The following UNC5C variants were observed in gnomAD, a reference collection of about 807,000 sequenced individuals.
The protein encoded by UNC5C is unc-5 netrin receptor C.
UNC5C carries 47 observed loss-of-function variants against 99.8 expected under a neutral mutation model. That is an observed-to-expected ratio of 0.47 (90% confidence interval 0.37 to 0.60). UNC5C has a LOEUF of 0.60. Among genes scored for constraint, UNC5C ranks in the 20% least tolerant of loss-of-function variants. UNC5C has a pLI of 0.00. For missense variants in UNC5C, 1,062 were observed against 1,165.9 expected (o/e 0.91, Z 1.30); for synonymous variants, 487 against 452.2 (o/e 1.08, Z -0.98).
At chr4:95,495,036 A>G (rs1189638237) in intron 1 of UNC5C, among the ~76,000 whole-genome samples, 1 of 151,554 alleles carries the variant, frequency 6.6e-6, no homozygotes, top group East Asian at 1.9e-4. Flanking sequence ...GTGAATCAAT[A>G]TAGGCATTTC....
chr4:95,409,043 A>G (rs1220324787), intron 1 of UNC5C, among the ~76,000 whole-genome samples: 1 of 152,194 alleles, frequency 6.6e-6, no homozygotes, highest in Non-Finnish European at 1.5e-5. Flanking sequence ...GTTTTTTTAA[A>G]TAACAATTGA....
chr4:95,482,936 C>T lies in UNC5C; in HGVS notation c.124+65798G>A, dbSNP rs1392878351. Among the ~76,000 whole-genome samples the T allele has an allele frequency of 2.2e-5, 3 of 138,926 alleles. No homozygotes were observed. The East Asian group carries it at 6.1e-4, about 28-fold the overall frequency. The allele number at this position is 138,926 out of a possible 152,430, so 91.1% of individuals were successfully genotyped here. Reference sequence around the variant, plus strand: ...ATGACGAGTTAATGGGTGCAGCACACCAGCATGGCACATGTATACATATGT... The same window carrying T: ...ATGACGAGTTAATGGGTGCAGCACATCAGCATGGCACATGTATACATATGT... On this transcript the variant is annotated intron_variant, in intron 1 of 15. Coordinates refer to ENST00000453304, the MANE Select transcript of UNC5C (RefSeq NM_003728.4).
At chr4:95,523,455 A>T (rs1260400048) in intron 1 of UNC5C, among the ~76,000 whole-genome samples, 1 of 152,216 alleles carries the variant, frequency 6.6e-6, no homozygotes, top group Non-Finnish European at 1.5e-5. Context: ...TGCACGTAGC[A>T]GAAACGGGCA....
intron 1 of UNC5C, among the ~76,000 whole-genome samples, chr4:95,414,242 A>G (rs1746093898): frequency 6.7e-6 from 1 of 149,648 alleles, no homozygotes; most frequent in Non-Finnish European, 1.5e-5. Context: ...TAGGTCTGGT[A>G]GAGAGAGAAA....
At chr4:95,243,263 A>G (rs1251739445) in intron 6 of UNC5C, among the ~76,000 whole-genome samples, 1 of 152,118 alleles carries the variant, frequency 6.6e-6, no homozygotes, top group Non-Finnish European at 1.5e-5. Flanking sequence ...GTAAGTCCCT[A>G]ATATTTCTTG....
At chr4:95,234,399 T>A (rs1560745678) in intron 7 of UNC5C, among the ~76,000 whole-genome samples, 1 of 151,610 alleles carries the variant, frequency 6.6e-6, no homozygotes, top group Non-Finnish European at 1.5e-5. Context: ...TATTATACTT[T>A]AAGTTTTAGG....
rs1175837199 is a variant in UNC5C at position 95,293,295 on chromosome 4, C to CTTT, written c.490+8308_490+8310dup. ...TTTCTGTATTATAAATAATAGTGAG[C>CTTT]TTTTTTTTTTTTTTTTTTTTTTTTT... On this transcript the variant is annotated intron_variant, in intron 3 of 15. Transcript: ENST00000453304. 3.8e-3 allele frequency among the ~76,000 whole-genome samples: 215 copies of CTTT among 56,900 alleles called. 58 individuals are homozygous for CTTT. The highest frequency in any genetic ancestry group is 0.032 in the Middle Eastern group (2 of 62). 37.3% of individuals were successfully genotyped at this position (56,900 alleles called of 152,430 possible). A position where few individuals can be genotyped will look rare whatever the true frequency, so the allele number is the denominator to read the frequency against.
chr4:95,183,070 T>G lies in UNC5C; in HGVS notation c.2287-9A>C. 1 of 1,596,004 alleles carries G rather than the reference T, an allele frequency of 6.3e-7. No individual in the cohort carries two copies. The highest frequency in any genetic ancestry group is 8.6e-7 in the Non-Finnish European group (1 of 1,165,758). On this transcript the variant is annotated splice_polypyrimidine_tract_variant and intron_variant, in intron 13 of 15. Transcript: ENST00000453304. ...TGGTAAAATGGAATTTCCTAAAGGA[T>G]ATGAAAGTGTTAACCACAATTGAAG... is the stretch of plus-strand genomic sequence containing the variant.
chr4:95,506,889 G>T (rs1476771326), intron 1 of UNC5C, among the ~76,000 whole-genome samples: 4 of 149,994 alleles, frequency 2.7e-5, no homozygotes, highest in Non-Finnish European at 5.9e-5. Context: ...TGATTTTAAG[G>T]GTTATTTATA....
rs763516412 is a variant in UNC5C at position 95,250,631 on chromosome 4, C to T, written c.631G>A (p.Val211Ile). ...WLKNEDIIDPVEDRNFYITID... is the reference protein window; with the variant it reads ...WLKNEDIIDPIEDRNFYITID... ...GTAATATAAAAATTCCGATCTTCAA[C>T]GGGATCAATTATGTCTTCATTTTTC... The change falls in exon 5 of 16, where the codon GTT becomes ATT. Residue 211 changes from valine to isoleucine, a missense_variant. Val to Ile is a conservative substitution (Grantham distance 29, BLOSUM62 3). Coordinates refer to ENST00000453304, the MANE Select transcript of UNC5C (RefSeq NM_003728.4). The T allele has an allele frequency of 2.2e-5, 36 of 1,613,868 alleles. No individual in the cohort carries two copies. Among genetic ancestry groups the T allele is most frequent in the Non-Finnish European group, 2.0e-5 (24 of 1,179,918 alleles).
At chr4:95,401,646 AAC>A (rs1169283721) in intron 1 of UNC5C, among the ~76,000 whole-genome samples, 2 of 152,168 alleles carry the variant, frequency 1.3e-5, no homozygotes, top group East Asian at 3.9e-4. Context: ...CTAAGAACTC[AAC>A]ATATATGTTC....
chr4:95,312,983 T>C (rs1742328189), intron 2 of UNC5C, among the ~76,000 whole-genome samples: 1 of 152,126 alleles, frequency 6.6e-6, no homozygotes, highest in South Asian at 2.1e-4. Flanking sequence ...ACTTAGAAAA[T>C]TCTGGAAATC....
intron 1 of UNC5C, among the ~76,000 whole-genome samples, chr4:95,403,694 C>T (rs925783029): frequency 6.6e-6 from 1 of 152,220 alleles, no homozygotes; most frequent in Non-Finnish European, 1.5e-5. Flanking sequence ...ATCTGGCTTA[C>T]TCATCCACTG....
At chr4:95,449,535 A>C (rs1459583521) in intron 1 of UNC5C, among the ~76,000 whole-genome samples, 1 of 152,206 alleles carries the variant, frequency 6.6e-6, no homozygotes, top group Non-Finnish European at 1.5e-5. Context: ...TTTTTCTCTC[A>C]TGAAAAATGT....
intron 3 of UNC5C, among the ~76,000 whole-genome samples, chr4:95,292,893 G>T (rs1357386463): frequency 6.6e-6 from 1 of 152,126 alleles, no homozygotes; most frequent in Admixed American, 6.5e-5. Context: ...GAGACAACAA[G>T]GAAGAAAAGA....
At chr4:95,206,927 G>A in intron 10 of UNC5C, 131 bp from the exon 11 acceptor site, 1 of 754,476 alleles carries the variant, frequency 1.3e-6, no homozygotes, top group Non-Finnish European at 2.0e-6. Flanking sequence ...TTTCTGGGGG[G>A]TTGGGGAGAG....
intron 10 of UNC5C, 106 bp from the exon 11 acceptor site, chr4:95,206,902 CT>C (rs35063112): frequency 0.066 from 33,476 of 504,956 alleles, 2 homozygotes; most frequent in East Asian, 0.12. Flanking sequence ...TCCTGGAATT[CT>C]TTTTTTTTTT....
chr4:95,535,149 A>T (rs1722741600), intron 1 of UNC5C, among the ~76,000 whole-genome samples: 1 of 152,158 alleles, frequency 6.6e-6, no homozygotes, highest in Non-Finnish European at 1.5e-5. Flanking sequence ...AAAAGAAATC[A>T]CCTAAACTTG....
At chr4:95,381,790 T>G (rs1465518329) in intron 1 of UNC5C, among the ~76,000 whole-genome samples, 1 of 152,138 alleles carries the variant, frequency 6.6e-6, no homozygotes, top group Non-Finnish European at 1.5e-5. Context: ...AAATGTTAAA[T>G]CAGAACTATA....
Sources: gnomAD v4.1 joint callset for allele counts (sites outside exome capture counted in the v4.1 genomes callset) on GRCh38, gnomAD v4.1.1 for gene constraint, MANE v1.5 for transcripts, NCBI Gene and HGNC (gene_info 2026-07-23, HGNC 2026-07-21) for gene names.